The following CADPS variants were observed in gnomAD, a reference collection of about 807,000 sequenced individuals.
CADPS encodes calcium-dependent secretion activator 1.
In CADPS, 57 loss-of-function variants were observed where a neutral mutation model predicts 167.3. That is an observed-to-expected ratio of 0.34 (90% CI 0.28 to 0.42). The LOEUF is 0.42. Ranked by LOEUF, CADPS falls within the 20% of genes least tolerant of loss-of-function variation. The probability of loss-of-function intolerance (pLI) is 1.00; values close to 1 mark genes in which losing one functional copy is unlikely to be tolerated. For synonymous variants in CADPS, 676 were observed against 635.3 expected, an observed-to-expected ratio of 1.06 and a Z score of -0.96; for missense variants, 1,414 against 1,738.1, an observed-to-expected ratio of 0.81 and a Z score of 3.32.
intron 3 of CADPS, among the ~76,000 whole-genome samples, chr3:62,724,831 T>C (rs1025294501): frequency 1.3e-5 from 2 of 152,242 alleles, no homozygotes; most frequent in African/African-American, 2.4e-5. Flanking sequence ...ACCTCTCCAC[T>C]GCTGAAAACC....
chr3:62,678,810 T>TAAA (rs1225623951), intron 3 of CADPS, among the ~76,000 whole-genome samples: 2 of 151,190 alleles, frequency 1.3e-5, no homozygotes, highest in Admixed American at 6.6e-5. Context: ...ATTGGAGACA[T>TAAA]AAATATTGGT....
At chr3:62,713,907 C>T (rs904550246) in intron 3 of CADPS, among the ~76,000 whole-genome samples, 15 of 152,142 alleles carry the variant, frequency 9.9e-5, no homozygotes, top group Non-Finnish European at 1.3e-4. Context: ...AGCCTTATAG[C>T]CACCTGAATT....
chr3:62,399,219 T>A lies in CADPS; in HGVS notation c.*187A>T. ...GCTTGTAAACATATAGACATGGACA[T>A]CAGGAAATCAGTGGATATGAAGGTC... On this transcript the variant is annotated 3_prime_UTR_variant, in exon 30 of 30. Coordinates refer to ENST00000383710, the MANE Select transcript of CADPS (RefSeq NM_003716.4). The surrounding 1 kb of genome is among the most constrained non-coding windows in gnomAD (Gnocchi z 5.6). 1.7e-6 allele frequency: 1 copy of A among 576,956 alleles called. No homozygotes were observed. Among genetic ancestry groups the A allele is most frequent in the Non-Finnish European group, 3.1e-6 (1 of 322,944 alleles). 35.7% of individuals were successfully genotyped at this position (576,956 alleles called of 1,614,324 possible). A position where few individuals can be genotyped will look rare whatever the true frequency, so the allele number is the denominator to read the frequency against.
chr3:62,640,820 G>T (rs1181498559), intron 6 of CADPS, among the ~76,000 whole-genome samples: 1 of 152,176 alleles, frequency 6.6e-6, no homozygotes, highest in South Asian at 2.1e-4. Context: ...AAGTGTTCCA[G>T]TATTTAATCC....
At chr3:62,634,692 A>G (rs1294330160) in intron 6 of CADPS, among the ~76,000 whole-genome samples, 3 of 152,210 alleles carry the variant, frequency 2.0e-5, no homozygotes, top group African/African-American at 7.2e-5. Flanking sequence ...AGCCAAAGGT[A>G]TATAAAATAT....
rs1346971953 is a variant in CADPS, at chr3:62,465,433, T to A, written c.3570A>T (p.Glu1190Asp). The A allele has an allele frequency of 6.2e-7, 1 of 1,606,392 alleles. No individual in the cohort carries two copies. Among genetic ancestry groups the A allele is most frequent in the African/African-American group, 1.3e-5 (1 of 74,702 alleles). The change falls in exon 26 of 30, where the codon GAA becomes GAT. Residue 1190 changes from glutamate (E) to aspartate (D), a missense_variant. By Grantham distance (45) the Glu-to-Asp change is conservative (BLOSUM62 2). Around this residue, in one of 6 missense-constraint regions of CADPS, gnomAD observed 185 missense variants for 251.5 expected, o/e 0.74. Coordinates refer to ENST00000383710, the MANE Select transcript of CADPS (RefSeq NM_003716.4). This position sits in a 1 kb window ranked among gnomAD's most constrained non-coding sequence, Gnocchi z 4.1. ...LLVAKFVTIL[E>D]GVLAKLSRYD... is the part of the protein sequence containing the mutation. The stretch of plus-strand genomic sequence containing the variant: ...ATCTGGATAATTTTGCCAGCACTCC[T>A]TCCAAGATAGTAACGAACTAGAAAA...
At chr3:62,418,616 T>C (rs927218145) in intron 28 of CADPS, among the ~76,000 whole-genome samples, 1 of 151,354 alleles carries the variant, frequency 6.6e-6, no homozygotes, top group Non-Finnish European at 1.5e-5. Context: ...GCTGGCATTA[T>C]AGGTGTGAGC....
chr3:62,684,583 G>T (rs77430637), intron 3 of CADPS, among the ~76,000 whole-genome samples: 9,937 of 152,036 alleles, frequency 0.065, 391 homozygotes, highest in Middle Eastern at 0.095. Flanking sequence ...TAAGTGACTT[G>T]CCCGAGTAAA....
intron 28 of CADPS, among the ~76,000 whole-genome samples, chr3:62,434,478 C>T (rs1354239878): frequency 1.3e-5 from 2 of 152,042 alleles, no homozygotes; most frequent in African/African-American, 4.8e-5. Context: ...AAAAGCAACC[C>T]AGTTAGGCAA....
chr3:62,592,323 C>T (rs1052546432), intron 7 of CADPS, among the ~76,000 whole-genome samples: 2 of 152,180 alleles, frequency 1.3e-5, no homozygotes, highest in Non-Finnish European at 2.9e-5. Flanking sequence ...AAGAACTCCA[C>T]TTTAAGACAG....
chr3:62,734,183 C>G (rs1470155622), intron 3 of CADPS, among the ~76,000 whole-genome samples: 6 of 152,084 alleles, frequency 3.9e-5, no homozygotes, highest in Admixed American at 3.9e-4. Flanking sequence ...ACCTATGTAC[C>G]CATTCATAAA....
chr3:62,477,865 G>A, intron 23 of CADPS: 3 of 184,608 alleles, frequency 1.6e-5, no homozygotes, highest in South Asian at 1.3e-4. Context: ...TACTGGATAC[G>A]CCAGCTCCAG....
At chr3:62,512,478 A>C (rs2068061221) in intron 17 of CADPS, among the ~76,000 whole-genome samples, 1 of 152,180 alleles carries the variant, frequency 6.6e-6, no homozygotes, top group African/African-American at 2.4e-5. Flanking sequence ...AATCACTGGA[A>C]TCCTATAACC....
At chr3:62,764,100 A>G (rs2152493657) in intron 2 of CADPS, among the ~76,000 whole-genome samples, 1 of 152,292 alleles carries the variant, frequency 6.6e-6, no homozygotes, top group East Asian at 1.9e-4. Context: ...TAAATTTATA[A>G]ACTCTGGTGA....
intron 1 of CADPS, among the ~76,000 whole-genome samples, chr3:62,813,687 G>T (rs925982287): frequency 1.3e-5 from 2 of 151,956 alleles, no homozygotes; most frequent in Admixed American, 6.6e-5. Flanking sequence ...AATAAGATAA[G>T]GTATTTGTGA....
chr3:62,731,159 T>C (rs946850705), intron 3 of CADPS, among the ~76,000 whole-genome samples: 2 of 152,244 alleles, frequency 1.3e-5, no homozygotes, highest in African/African-American at 4.8e-5. Flanking sequence ...CCTGAAGTTT[T>C]GATTTTACTT....
At chr3:62,622,980 T>A (rs1260045623) in intron 6 of CADPS, among the ~76,000 whole-genome samples, 1 of 152,208 alleles carries the variant, frequency 6.6e-6, no homozygotes, top group East Asian at 1.9e-4. Context: ...CCAAGTAGAG[T>A]TAATCAACTA....
At chr3:62,449,615 A>G in intron 26 of CADPS, among the ~76,000 whole-genome samples, 1 of 152,194 alleles carries the variant, frequency 6.6e-6, no homozygotes, top group East Asian at 1.9e-4. Flanking sequence ...CAGAAAATCC[A>G]AGCATGCACC....
In CADPS at chr3:62,544,809, T is replaced by C; in HGVS notation, c.1966+5094A>G. ...ATTGCAGGTGTCAGATAATCTAATC[T>C]GATTATCTGAGCTGTGCTAGCTATA... On this transcript the variant is annotated intron_variant, in intron 11 of 29. Coordinates refer to ENST00000383710, the MANE Select transcript of CADPS (RefSeq NM_003716.4). The surrounding 1 kb of genome is among the most constrained non-coding windows in gnomAD (Gnocchi z 4.4). 1 of 1,101,966 alleles carries C rather than the reference T, an allele frequency of 9.1e-7. No homozygotes were observed. Among genetic ancestry groups the C allele is most frequent in the Non-Finnish European group, 1.1e-6 (1 of 876,984 alleles). 68.3% of individuals were successfully genotyped at this position (1,101,966 alleles called of 1,614,324 possible). A position where few individuals can be genotyped will look rare whatever the true frequency, so the allele number is the denominator to read the frequency against.
Sources: gnomAD v4.1 joint callset for allele counts (sites outside exome capture counted in the v4.1 genomes callset) on GRCh38, gnomAD v4.1.1 for gene constraint, gnomAD v4.1.1 regional missense constraint, Gnocchi (gnomAD v3.1) non-coding constraint, MANE v1.5 for transcripts, NCBI Gene and HGNC (gene_info 2026-07-23, HGNC 2026-07-21) for gene names.